The following SUGCT variants were observed in gnomAD, a reference collection of about 807,000 sequenced individuals.
SUGCT encodes the protein succinyl-CoA:glutarate-CoA transferase.
A neutral mutation model predicts 55.0 loss-of-function variants in SUGCT; 41 were observed. The observed-to-expected ratio is 0.74, with a 90% CI of 0.58 to 0.97. The LOEUF is 0.97. Among genes scored for constraint, SUGCT ranks in the 50% least tolerant of loss-of-function variants. The pLI is 0.00. For missense variants in SUGCT, 568 were observed against 547.8 expected (o/e 1.04, Z -0.37); for synonymous variants, 187 against 200.4 (o/e 0.93, Z 0.56).
the SUGCT span, among the ~76,000 whole-genome samples, chr7:40,980,801 A>T: frequency 6.6e-6 from 1 of 152,050 alleles, no homozygotes; most frequent in Non-Finnish European, 1.5e-5. Flanking sequence ...AGCTCAGGTG[A>T]TCTTCTCGCC....
intron 9 of SUGCT, among the ~76,000 whole-genome samples, chr7:40,339,772 AGTC>A (rs1796944760): frequency 8.5e-5 from 13 of 152,196 alleles, no homozygotes; most frequent in Admixed American, 4.6e-4. Flanking sequence ...CTGTCCAACA[AGTC>A]CCAGTGAGAT....
the SUGCT span, among the ~76,000 whole-genome samples, chr7:41,036,047 A>C: frequency 3.9e-5 from 6 of 152,298 alleles, no homozygotes; most frequent in South Asian, 1.2e-3. Context: ...GTTTCCTCTG[A>C]GGCTGCAAGA....
chr7:40,912,191 C>T, the SUGCT span, among the ~76,000 whole-genome samples: 2 of 151,988 alleles, frequency 1.3e-5, no homozygotes, highest in Non-Finnish European at 2.9e-5. Context: ...GTTTACAATA[C>T]CTATCTTTCT....
chr7:40,605,704 A>G (rs1798497869), intron 12 of SUGCT, among the ~76,000 whole-genome samples: 1 of 152,220 alleles, frequency 6.6e-6, no homozygotes, highest in African/African-American at 2.4e-5. Context: ...AAACACAGAG[A>G]TGGGAATAAC....
the SUGCT span, among the ~76,000 whole-genome samples, chr7:40,911,076 C>T: frequency 6.6e-6 from 1 of 152,122 alleles, no homozygotes; most frequent in Admixed American, 6.5e-5. Context: ...TTTCCCTTCC[C>T]TTCGCCATGG....
intron 11 of SUGCT, among the ~76,000 whole-genome samples, chr7:40,474,011 G>T (rs952095668): frequency 2.0e-5 from 3 of 152,020 alleles, no homozygotes; most frequent in African/African-American, 7.3e-5. Context: ...AGGCCACCTG[G>T]AGGAAAATCA....
Position 40,636,107 on chromosome 7 carries a change from A to T in SUGCT, c.1090-113327A>T, listed in dbSNP as rs1383974595. The stretch of plus-strand genomic sequence containing the variant: ...ATAACAAACTACCCCTACATTTTGG[A>T]CACAAAATGATAACATTTATTTTGC... On this transcript the variant is annotated intron_variant, in intron 12 of 13. Coordinates refer to ENST00000335693, the MANE Select transcript of SUGCT (RefSeq NM_001193313.2). Among the ~76,000 whole-genome samples, 6 of 152,338 alleles carry T rather than the reference A, an allele frequency of 3.9e-5. No individual in the cohort carries two copies. In the East Asian group the frequency reaches 1.2e-3, roughly 29 times the overall value.
intron 12 of SUGCT, among the ~76,000 whole-genome samples, chr7:40,500,081 C>T (rs953393225): frequency 2.0e-5 from 3 of 152,168 alleles, no homozygotes; most frequent in African/African-American, 7.2e-5. Flanking sequence ...ATGTGCCATT[C>T]TGCTTTCAGG....
intron 9 of SUGCT, among the ~76,000 whole-genome samples, chr7:40,422,820 C>CAA (rs748926147): frequency 2.8e-4 from 34 of 121,710 alleles, no homozygotes; most frequent in South Asian, 1.6e-3. Flanking sequence ...ACCAGTTGTC[C>CAA]AAAAAAAAAA....
chr7:40,537,869 A>T (rs1794454456), intron 12 of SUGCT, among the ~76,000 whole-genome samples: 1 of 152,204 alleles, frequency 6.6e-6, no homozygotes, highest in South Asian at 2.1e-4. Flanking sequence ...AAGAGAATTG[A>T]TGTTTCAGGA....
the SUGCT span, among the ~76,000 whole-genome samples, chr7:40,972,490 ACAGAC>A: frequency 6.6e-6 from 1 of 152,204 alleles, no homozygotes. Flanking sequence ...TCCAAGCCCC[ACAGAC>A]CTGATTCAGT....
At chr7:40,787,628 A>G (rs1255943975) in intron 13 of SUGCT, among the ~76,000 whole-genome samples, 1 of 126,612 alleles carries the variant, frequency 7.9e-6, no homozygotes, top group Non-Finnish European at 1.6e-5. Flanking sequence ...CAAGCTAGGT[A>G]TTGGAGAAAC....
At chr7:40,978,633 T>C in the SUGCT span, among the ~76,000 whole-genome samples, 20 of 152,110 alleles carry the variant, frequency 1.3e-4, no homozygotes, top group Admixed American at 1.3e-3. Context: ...AAGGGATGGA[T>C]TTCGAATGGG....
chr7:40,441,165 T>G (rs918173419), intron 9 of SUGCT, among the ~76,000 whole-genome samples: 14 of 152,286 alleles, frequency 9.2e-5, no homozygotes, highest in African/African-American at 3.1e-4. Flanking sequence ...CATGAATCAA[T>G]GTACTTTATG....
chr7:40,865,035 C>G (rs1190933810), downstream of SUGCT, among the ~76,000 whole-genome samples: 1 of 152,084 alleles, frequency 6.6e-6, no homozygotes, highest in East Asian at 1.9e-4. Flanking sequence ...CTCTCTTTGT[C>G]CTGATTACTC....
At chr7:40,623,054 A>G (rs1304132432) in intron 12 of SUGCT, among the ~76,000 whole-genome samples, 2 of 152,144 alleles carry the variant, frequency 1.3e-5, no homozygotes, top group Admixed American at 6.5e-5. Flanking sequence ...GATTCATTTG[A>G]TCTCTGTCCA....
At chr7:40,834,716 G>T (rs1409609998) in intron 13 of SUGCT, among the ~76,000 whole-genome samples, 1 of 152,150 alleles carries the variant, frequency 6.6e-6, no homozygotes, top group Non-Finnish European at 1.5e-5. Flanking sequence ...TAAGCAGCCA[G>T]AATGATGAAA....
chr7:40,517,542 G>A (rs1485182245), intron 12 of SUGCT, among the ~76,000 whole-genome samples: 2 of 152,006 alleles, frequency 1.3e-5, no homozygotes, highest in Non-Finnish European at 2.9e-5. Context: ...GTTGTTGAGT[G>A]TTTTTATCAT....
chr7:40,959,730 A>G, the SUGCT span, among the ~76,000 whole-genome samples: 1 of 142,226 alleles, frequency 7.0e-6, no homozygotes, highest in African/African-American at 2.7e-5. Context: ...AAAAAAAAAA[A>G]CTCCTACAGC....
Sources: gnomAD v4.1 joint callset for allele counts (sites outside exome capture counted in the v4.1 genomes callset) on GRCh38, gnomAD v4.1.1 for gene constraint, MANE v1.5 for transcripts, NCBI Gene and HGNC (gene_info 2026-07-23, HGNC 2026-07-21) for gene names.